Variants in ADK observed in about 807,000 individuals in gnomAD.
ADK encodes the protein adenosine kinase, also known as N6,N6-dimethyladenosine kinase.
A neutral mutation model predicts 44.7 loss-of-function variants in ADK; 24 were observed. That is an observed-to-expected ratio of 0.54 (90% CI 0.39 to 0.76). The LOEUF (loss-of-function observed/expected upper bound fraction) is 0.76. Ranked by LOEUF, ADK falls within the 30% of genes least tolerant of loss-of-function variation. ADK has a pLI of 0.00. For synonymous variants in ADK, 128 were observed against 142.6 expected, an observed-to-expected ratio of 0.90 and a Z score of 0.73; for missense variants, 321 against 425.1, an observed-to-expected ratio of 0.76 and a Z score of 2.15.
At chr10:74,354,833 A>G (rs1385812609) in intron 4 of ADK, among the ~76,000 whole-genome samples, 4 of 152,234 alleles carry the variant, frequency 2.6e-5, no homozygotes, top group East Asian at 1.9e-4. Context: ...AGAAAGATCA[A>G]TTAGCACTTA....
chr10:74,484,876 A>G (rs1847210045), intron 6 of ADK, among the ~76,000 whole-genome samples: 1 of 152,222 alleles, frequency 6.6e-6, no homozygotes, highest in Admixed American at 6.5e-5. Flanking sequence ...GTTTTATACT[A>G]TACACAAAAA....
intron 2 of ADK, among the ~76,000 whole-genome samples, chr10:74,210,139 G>A (rs1843756078): frequency 6.6e-6 from 1 of 152,060 alleles, no homozygotes; most frequent in Non-Finnish European, 1.5e-5. Context: ...AGACCAGCCT[G>A]GCTAACAAGG....
At chr10:74,263,836 T>C (rs771805029) in intron 3 of ADK, among the ~76,000 whole-genome samples, 3 of 152,236 alleles carry the variant, frequency 2.0e-5, no homozygotes, top group Non-Finnish European at 4.4e-5. Context: ...TTAATGCACG[T>C]AATTTATATG....
intron 6 of ADK, among the ~76,000 whole-genome samples, chr10:74,494,622 A>G (rs73272249): frequency 0.042 from 6,319 of 152,232 alleles, 402 homozygotes; most frequent in African/African-American, 0.13. Context: ...ATTATAAATC[A>G]TGTGCTCTGA....
intron 7 of ADK, among the ~76,000 whole-genome samples, chr10:74,550,514 G>A (rs1285762410): frequency 1.3e-5 from 2 of 152,054 alleles, no homozygotes; most frequent in East Asian, 3.9e-4. Flanking sequence ...TGCTCTCCCT[G>A]CCTCTGGTTT....
intron 7 of ADK, among the ~76,000 whole-genome samples, chr10:74,559,527 G>A (rs1049149458): frequency 1.3e-5 from 2 of 152,148 alleles, no homozygotes; most frequent in African/African-American, 2.4e-5. Flanking sequence ...GTACTTTTGT[G>A]TAAATAGTTC....
chr10:74,224,613 T>C (rs1467541022), intron 3 of ADK, 22 bp downstream of exon 3: 4 of 1,595,102 alleles, frequency 2.5e-6, no homozygotes, highest in Non-Finnish European at 3.4e-6. Flanking sequence ...AAACCATTGG[T>C]TGTAAATAGT....
intron 8 of ADK, among the ~76,000 whole-genome samples, chr10:74,599,878 A>T (rs1295029162): frequency 6.6e-6 from 1 of 152,110 alleles, no homozygotes; most frequent in Non-Finnish European, 1.5e-5. Context: ...ATTTTTTCCA[A>T]AGTCAGCATA....
chr10:74,549,765 G>T (rs900308032), intron 7 of ADK, among the ~76,000 whole-genome samples: 4 of 152,136 alleles, frequency 2.6e-5, no homozygotes, highest in Non-Finnish European at 2.9e-5. Flanking sequence ...TGAGCTGGGG[G>T]TATTTCAATT....
rs528964987 is a variant in ADK at position 74,394,639 on chromosome 10, G to C, written c.446+326G>C. On this transcript the variant is annotated intron_variant, in intron 5 of 10. Transcript: ENST00000539909. ...TTGTAGCTAATTTGTTGCAAAACTT[G>C]AATTAGAAACAATGTTCTTTTCACC... Among the ~76,000 whole-genome samples the C allele has an allele frequency of 1.1e-3, 169 of 152,210 alleles. No homozygotes were observed. The Middle Eastern group carries it at 0.017, about 15-fold the overall frequency.
intron 6 of ADK, chr10:74,506,357 T>G (rs1848075421): frequency 1.6e-5 from 4 of 257,618 alleles, no homozygotes; most frequent in Admixed American, 1.4e-4. Flanking sequence ...CAGCTTTTTT[T>G]TGTAATGATT....
chr10:74,373,582 G>A (rs1437044691), intron 4 of ADK, among the ~76,000 whole-genome samples: 2 of 152,078 alleles, frequency 1.3e-5, no homozygotes, highest in African/African-American at 4.8e-5. Context: ...AACATAATTA[G>A]CTATCAGGTA....
chr10:74,506,964 A>G (rs1254729499), intron 6 of ADK, among the ~76,000 whole-genome samples: 1 of 152,228 alleles, frequency 6.6e-6, no homozygotes, highest in East Asian at 1.9e-4. Context: ...ATTTTTACAC[A>G]CAAGTGGATC....
In ADK at chr10:74,439,020, C is replaced by T. The variant is rs550780166; in HGVS notation, c.555+40441C>T. ...TCTAGAGTTTGTAGTCAGCGTTTTT[C>T]CAAATGTGTAAAACTGTAATCCTTC... is the stretch of plus-strand genomic sequence containing the variant. On this transcript the variant is annotated intron_variant, in intron 6 of 10. Coordinates refer to ENST00000539909, the MANE Select transcript of ADK (RefSeq NM_006721.4). Among the ~76,000 whole-genome samples the T allele has an allele frequency of 3.5e-3, 530 of 152,260 alleles. 7 individuals carry two copies. The highest frequency in any genetic ancestry group is 5.4e-3 in the Non-Finnish European group (368 of 68,016).
intron 9 of ADK, among the ~76,000 whole-genome samples, chr10:74,663,248 A>AATATATATATAT (rs199853152): frequency 2.9e-4 from 41 of 140,850 alleles, no homozygotes; most frequent in African/African-American, 9.0e-4. Flanking sequence ...AAAAAAAAAT[A>AATATATATATAT]ATATATATAT....
chr10:74,329,904 A>G (rs1360353963), intron 4 of ADK, among the ~76,000 whole-genome samples: 1 of 152,164 alleles, frequency 6.6e-6, no homozygotes, highest in Non-Finnish European at 1.5e-5. Flanking sequence ...GCTCACGCTT[A>G]TAATCCCAGC....
intron 1 of ADK, among the ~76,000 whole-genome samples, chr10:74,199,223 G>A (rs530422926): frequency 6.6e-6 from 1 of 152,252 alleles, no homozygotes; most frequent in African/African-American, 2.4e-5. Context: ...GAGTGCATGT[G>A]CAGGTTTGTT....
intron 10 of ADK, among the ~76,000 whole-genome samples, chr10:74,691,129 T>C (rs7072264): frequency 0.68 from 103,210 of 152,032 alleles, 35,377 homozygotes; most frequent in Middle Eastern, 0.79. Context: ...CTGGTAATCA[T>C]TGGTATAGGA....
chr10:74,369,881 T>G (rs1408664270), intron 4 of ADK, among the ~76,000 whole-genome samples: 1 of 152,242 alleles, frequency 6.6e-6, no homozygotes, highest in Non-Finnish European at 1.5e-5. Context: ...CTATGTATAT[T>G]ATTCTATAGA....
Sources: gnomAD v4.1 joint callset for allele counts (sites outside exome capture counted in the v4.1 genomes callset) on GRCh38, gnomAD v4.1.1 for gene constraint, MANE v1.5 for transcripts, NCBI Gene and HGNC (gene_info 2026-07-23, HGNC 2026-07-21) for gene names.